The following SIRPD variants were observed in gnomAD, a reference collection of about 807,000 sequenced individuals.
The protein encoded by SIRPD is signal-regulatory protein delta.
Under a neutral mutation model 18.0 loss-of-function variants are expected in SIRPD, and 21 were observed. That is an observed-to-expected ratio of 1.17 (90% confidence interval 0.83 to 1.68). SIRPD has a LOEUF of 1.68. Ranked by LOEUF, SIRPD falls within the 40% of genes most tolerant of loss-of-function variation. The pLI, the probability that SIRPD is intolerant of heterozygous loss-of-function variation, is 0.00. For missense variants in SIRPD, 295 were observed against 238.4 expected, an observed-to-expected ratio of 1.24 and a Z score of -1.56; for synonymous variants, 106 against 92.9, an observed-to-expected ratio of 1.14 and a Z score of -0.81.
chr20:1,535,615 G>A (rs1366528107), intron 3 of SIRPD, among the ~76,000 whole-genome samples: 1 of 152,078 alleles, frequency 6.6e-6, no homozygotes, highest in Non-Finnish European at 1.5e-5. Flanking sequence ...CAGCAAGAAA[G>A]CTCTCACCAA....
chr20:1,539,655 T>C (rs569465640), intron 2 of SIRPD, among the ~76,000 whole-genome samples: 2 of 152,352 alleles, frequency 1.3e-5, no homozygotes, highest in East Asian at 1.9e-4. Flanking sequence ...TCACTTCTAA[T>C]GAAAAAGTAA....
chr20:1,545,837 C>T (rs1208427367), intron 2 of SIRPD, among the ~76,000 whole-genome samples: 2 of 152,080 alleles, frequency 1.3e-5, no homozygotes, highest in Admixed American at 6.6e-5. Flanking sequence ...GATCCTGTTG[C>T]TTTCTGTTTG....
chr20:1,545,598 CA>C (rs2090990168), intron 2 of SIRPD, among the ~76,000 whole-genome samples: 1 of 152,226 alleles, frequency 6.6e-6, no homozygotes. Flanking sequence ...TATTACCCGC[CA>C]TCTGAAGCCT....
chr20:1,555,011 A>G (rs1006146530), intron 1 of SIRPD, among the ~76,000 whole-genome samples: 8 of 152,228 alleles, frequency 5.3e-5, no homozygotes, highest in Admixed American at 3.3e-4. Flanking sequence ...TGTCTACAAG[A>G]TAAGTTCTAC....
At chr20:1,555,914 G>C (rs1458993189) in intron 1 of SIRPD, among the ~76,000 whole-genome samples, 1 of 152,148 alleles carries the variant, frequency 6.6e-6, no homozygotes, top group Non-Finnish European at 1.5e-5. Context: ...TTCTCATCTG[G>C]GGGTTTGACT....
chr20:1,536,410 T>G (rs1371230150), intron 3 of SIRPD, among the ~76,000 whole-genome samples: 4 of 151,972 alleles, frequency 2.6e-5, no homozygotes, highest in African/African-American at 4.8e-5. Context: ...TCGTTTTTTT[T>G]TTTTTTTTTA....
rs2249317 is a variant in SIRPD, at chr20:1,551,949, T to C, written c.163A>G (p.Asn55Asp). ...ESIILSCSVP[N>D]TLPNGPVLWF... ...AAGACAGGTCCATTTGGTAAGGTAT[T>C]GGGTACGCTGCAACTCAAGATGATT... Residue 55 changes from asparagine to aspartate, a missense_variant, in exon 2 of 4, where the codon AAT becomes GAT. Asn to Asp is a conservative substitution (Grantham distance 23, BLOSUM62 1). Transcript: ENST00000381623. The C allele has an allele frequency of 0.84, 1,357,400 of 1,613,872 alleles. 572,350 individuals carry two copies. The highest frequency in any genetic ancestry group is 0.93 in the Middle Eastern group (5,621 of 6,062).
intron 2 of SIRPD, among the ~76,000 whole-genome samples, chr20:1,548,831 G>A (rs1229248645): frequency 2.6e-5 from 4 of 151,794 alleles, no homozygotes; most frequent in South Asian, 4.1e-4. Context: ...TCTGATTCTA[G>A]TAATTTGAGT....
intron 2 of SIRPD, among the ~76,000 whole-genome samples, chr20:1,543,540 T>C (rs1333392814): frequency 6.6e-6 from 1 of 151,456 alleles, no homozygotes; most frequent in Non-Finnish European, 1.5e-5. Context: ...TAATCTACTC[T>C]ATCTGTTTTG....
intron 1 of SIRPD, among the ~76,000 whole-genome samples, chr20:1,552,681 C>T (rs2091024846): frequency 6.6e-6 from 1 of 152,128 alleles, no homozygotes; most frequent in South Asian, 2.1e-4. Context: ...ACCCTTTACC[C>T]TCCTACACAG....
chr20:1,539,388 G>A (rs1369009754), intron 2 of SIRPD, among the ~76,000 whole-genome samples: 1 of 152,128 alleles, frequency 6.6e-6, no homozygotes, highest in East Asian at 1.9e-4. Context: ...CTTGCTTCTT[G>A]ACCAAGCTTA....
chr20:1,557,280 A>T (rs966073294), intron 1 of SIRPD, among the ~76,000 whole-genome samples: 3 of 151,892 alleles, frequency 2.0e-5, no homozygotes, highest in Non-Finnish European at 2.9e-5. Flanking sequence ...TAAAAATAAA[A>T]TAAAATAAAT....
intron 1 of SIRPD, among the ~76,000 whole-genome samples, chr20:1,553,486 G>A (rs2091027877): frequency 6.6e-6 from 1 of 152,132 alleles, no homozygotes; most frequent in South Asian, 2.1e-4. Flanking sequence ...AAGCTAAGAT[G>A]TGGCTACTAG....
At chr20:1,539,823 GT>G (rs1197641062) in intron 2 of SIRPD, among the ~76,000 whole-genome samples, 1 of 152,204 alleles carries the variant, frequency 6.6e-6, no homozygotes, top group African/African-American at 2.4e-5. Flanking sequence ...TCTTCAGCCA[GT>G]TGCCCGCAAG....
intron 2 of SIRPD, among the ~76,000 whole-genome samples, chr20:1,539,002 C>G (rs1302048906): frequency 6.6e-6 from 1 of 152,194 alleles, no homozygotes; most frequent in Non-Finnish European, 1.5e-5. Context: ...TTGGCAACAT[C>G]TTCCCCACCC....
At chr20:1,542,712 G>T (rs1237430249) in intron 2 of SIRPD, among the ~76,000 whole-genome samples, 2 of 152,152 alleles carry the variant, frequency 1.3e-5, no homozygotes, top group Non-Finnish European at 2.9e-5. Flanking sequence ...TTCTTGTCTT[G>T]CTCTGGTTTT....
intron 2 of SIRPD, among the ~76,000 whole-genome samples, chr20:1,551,173 A>G (rs1024000171): frequency 1.3e-5 from 2 of 152,206 alleles, no homozygotes; most frequent in African/African-American, 4.8e-5. Flanking sequence ...GGTTGTGCAG[A>G]TTGTCAATCC....
chr20:1,536,020 A>G (rs1291532148), intron 3 of SIRPD, among the ~76,000 whole-genome samples: 2 of 152,184 alleles, frequency 1.3e-5, no homozygotes, highest in African/African-American at 4.8e-5. Flanking sequence ...TCCTTCTTCT[A>G]CCAAGCCTGA....
chr20:1,552,147 G>A (rs1181878466), intron 1 of SIRPD, 109 bp from the exon 2 acceptor site: 2 of 879,008 alleles, frequency 2.3e-6, no homozygotes, highest in Admixed American at 2.6e-5. Flanking sequence ...ATGCGCAAAT[G>A]CCCATGCATT....
Sources: allele counts gnomAD v4.1 joint callset (sites outside exome capture counted in the v4.1 genomes callset), GRCh38; gene constraint gnomAD v4.1.1; transcripts MANE v1.5; gene names NCBI Gene and HGNC (gene_info 2026-07-23, HGNC 2026-07-21).